The following KCNK10 variants were observed in gnomAD, a reference collection of about 807,000 sequenced individuals.
KCNK10 encodes potassium channel subfamily K member 10.
In KCNK10, 25 loss-of-function variants were observed where a neutral mutation model predicts 47.7. The ratio of observed to expected loss-of-function variants is 0.52; its 90% CI spans 0.38 to 0.73. KCNK10 has a LOEUF of 0.73. Ranked by LOEUF, KCNK10 falls within the 30% of genes least tolerant of loss-of-function variation. The probability of loss-of-function intolerance (pLI) is 0.00; values close to 1 mark genes in which losing one functional copy is unlikely to be tolerated. For synonymous variants in KCNK10, 303 were observed against 285.6 expected (o/e 1.06, Z -0.61); for missense variants, 563 against 714.5 (o/e 0.79, Z 2.42).
intron 4 of KCNK10, among the ~76,000 whole-genome samples, chr14:88,197,859 G>GGAGAGAGAGAGAGAGAGAGAGA (rs71126969): frequency 3.2e-5 from 4 of 125,348 alleles, no homozygotes; most frequent in African/African-American, 1.3e-4. Context: ...AGGAGGGAAG[G>GGAGAGAGAGAGAGAGAGAGAGA]GAGAGAGAGA....
chr14:88,192,657 A>C (rs1028012280), intron 4 of KCNK10, among the ~76,000 whole-genome samples: 3 of 152,220 alleles, frequency 2.0e-5, no homozygotes, highest in Non-Finnish European at 4.4e-5. Flanking sequence ...AACAAACAAA[A>C]AAATCCTGCT....
rs1595067648 is a variant in KCNK10, at chr14:88,185,657, A to G, written c.1510T>C (p.Ser504Pro). 1 of 1,614,054 alleles carries G rather than the reference A, an allele frequency of 6.2e-7. No individual in the cohort carries two copies. Among genetic ancestry groups the G allele is most frequent in the Non-Finnish European group, 8.5e-7 (1 of 1,180,028 alleles). ...ETEKMCNSDN[S>P]STAMLTDCIQ... Reference sequence around the variant, plus strand: ...CAGTCCGTCAGCATGGCTGTGCTGGAGTTGTCTGAGTTACACATCTTTTCC... The same window carrying G: ...CAGTCCGTCAGCATGGCTGTGCTGGGGTTGTCTGAGTTACACATCTTTTCC... Residue 504 changes from serine (S) to proline (P), a missense_variant, in exon 7 of 7, where the codon TCC becomes CCC. By Grantham distance (74) the Ser-to-Pro change is moderately conservative. Coordinates refer to ENST00000319231, the MANE Select transcript of KCNK10 (RefSeq NM_138317.3). This position sits in a 1 kb window ranked among gnomAD's most constrained non-coding sequence, Gnocchi z 4.3.
At chr14:88,292,498 C>T (rs1360063990) in intron 1 of KCNK10, among the ~76,000 whole-genome samples, 3 of 152,120 alleles carry the variant, frequency 2.0e-5, no homozygotes, top group Non-Finnish European at 2.9e-5. Context: ...TATAGGCACC[C>T]GCCACAATGC....
chr14:88,248,376 A>T (rs1886700330), intron 2 of KCNK10, among the ~76,000 whole-genome samples: 2 of 152,184 alleles, frequency 1.3e-5, no homozygotes, highest in Admixed American at 6.5e-5. Flanking sequence ...CTTTTATTGT[A>T]GCTATTTACC....
Position 88,206,373 on chromosome 14 carries a change from C to T in KCNK10, c.682-13963G>A, listed in dbSNP as rs187890228. On this transcript the variant is annotated intron_variant, in intron 4 of 6. Coordinates refer to ENST00000319231, the MANE Select transcript of KCNK10 (RefSeq NM_138317.3). Reference sequence around the variant, plus strand: ...TGCCACAAATCACAGAACCATCCCACATTTAGCATGAGCTTTGAATGTCCC... The same window carrying T: ...TGCCACAAATCACAGAACCATCCCATATTTAGCATGAGCTTTGAATGTCCC... Among the ~76,000 whole-genome samples, 19 of 152,348 alleles carry T rather than the reference C, an allele frequency of 1.2e-4. No individual in the cohort carries two copies. In the East Asian group the frequency reaches 3.7e-3, roughly 29 times the overall value.
At position 88,274,566 on chromosome 14, in the gene KCNK10, A is replaced by AAAAAAAAAAAAAAAAT. The variant is rs55899872; in HGVS notation, c.53-11016_53-11015insATTTTTTTTTTTTTTT. ...ACTCTATCTAAAAAAAAAAAAAAAA[A>AAAAAAAAAAAAAAAAT]GATCTTATGGCTTAAGTCCGTAACA... On this transcript the variant is annotated intron_variant, in intron 1 of 6. Coordinates refer to ENST00000319231, the MANE Select transcript of KCNK10 (RefSeq NM_138317.3). Among the ~76,000 whole-genome samples, 356 of 139,618 alleles carry AAAAAAAAAAAAAAAAT rather than the reference A, an allele frequency of 2.5e-3. 26 individuals carry two copies. The highest frequency in any genetic ancestry group is 8.3e-3 in the African/African-American group (266 of 32,148). 91.6% of individuals were successfully genotyped at this position (139,618 alleles called of 152,430 possible).
At chr14:88,257,400 T>C (rs1886987571) in intron 2 of KCNK10, among the ~76,000 whole-genome samples, 1 of 152,224 alleles carries the variant, frequency 6.6e-6, no homozygotes, top group African/African-American at 2.4e-5. Flanking sequence ...GCCATTCTGA[T>C]CACTTTCAAT....
chr14:88,243,240 C>T (rs1267709576), intron 2 of KCNK10, among the ~76,000 whole-genome samples: 3 of 152,234 alleles, frequency 2.0e-5, no homozygotes, highest in African/African-American at 7.2e-5. Context: ...CTAGAAGCGT[C>T]ATTCTGTTTT....
At chr14:88,258,110 A>G (rs1461811051) in intron 2 of KCNK10, among the ~76,000 whole-genome samples, 1 of 152,042 alleles carries the variant, frequency 6.6e-6, no homozygotes, top group Non-Finnish European at 1.5e-5. Flanking sequence ...CTCCCTGAAT[A>G]ATATAAAGAA....
chr14:88,205,542 C>CTTTTTTTTTTTTTTTTTTTT (rs200265659), intron 4 of KCNK10, among the ~76,000 whole-genome samples: 1 of 115,780 alleles, frequency 8.6e-6, no homozygotes, highest in Non-Finnish European at 1.7e-5. Context: ...CTTTTCTTTT[C>CTTTTTTTTTTTTTTTTTTTT]TTTTTTTTTT....
intron 1 of KCNK10, among the ~76,000 whole-genome samples, chr14:88,309,987 C>A (rs1888278189): frequency 6.6e-6 from 1 of 151,942 alleles, no homozygotes; most frequent in African/African-American, 2.4e-5. Context: ...ACCAGCCTAT[C>A]AATACATATC....
chr14:88,272,332 G>A (rs1595117210), intron 1 of KCNK10, among the ~76,000 whole-genome samples: 1 of 152,192 alleles, frequency 6.6e-6, no homozygotes, highest in African/African-American at 2.4e-5. Context: ...GTTTGACAGA[G>A]GTGTGGGGGA....
At chr14:88,236,128 C>T (rs1886294217) in intron 3 of KCNK10, among the ~76,000 whole-genome samples, 1 of 152,090 alleles carries the variant, frequency 6.6e-6, no homozygotes, top group South Asian at 2.1e-4. Flanking sequence ...CCAGTCTGGG[C>T]AACACAGCAA....
At chr14:88,201,845 G>A (rs1287424069) in intron 4 of KCNK10, among the ~76,000 whole-genome samples, 1 of 152,126 alleles carries the variant, frequency 6.6e-6, no homozygotes, top group Non-Finnish European at 1.5e-5. Context: ...GAAGAGACTG[G>A]GCTGTTTAGC....
At chr14:88,323,810 C>T, upstream of KCNK10, 1 of 152,312 alleles carries the variant, frequency 6.6e-6, no homozygotes, top group Non-Finnish European at 1.5e-5. Context: ...CTTCTCACCG[C>T]TCTCACCCTG....
At chr14:88,296,913 C>T (rs1001030365) in intron 1 of KCNK10, among the ~76,000 whole-genome samples, 2 of 152,296 alleles carry the variant, frequency 1.3e-5, no homozygotes, top group East Asian at 3.9e-4. Flanking sequence ...AATTACAAAA[C>T]ACATCATTAT....
At chr14:88,314,027 T>A (rs1888378993) in intron 1 of KCNK10, among the ~76,000 whole-genome samples, 1 of 152,244 alleles carries the variant, frequency 6.6e-6, no homozygotes, top group Non-Finnish European at 1.5e-5. Context: ...TTTGATCATC[T>A]CAGCAACTGT....
At chr14:88,274,645 C>T (rs1435037157) in intron 1 of KCNK10, among the ~76,000 whole-genome samples, 1 of 151,530 alleles carries the variant, frequency 6.6e-6, no homozygotes, top group Non-Finnish European at 1.5e-5. Flanking sequence ...GTGTCCCACC[C>T]AATAATGGTG....
At chr14:88,237,345 T>A (rs967699106) in intron 3 of KCNK10, among the ~76,000 whole-genome samples, 16 of 152,192 alleles carry the variant, frequency 1.1e-4, no homozygotes, top group African/African-American at 3.9e-4. Flanking sequence ...CTCAAAGTCA[T>A]CCATGAGCCT....
Sources: allele counts gnomAD v4.1 joint callset (sites outside exome capture counted in the v4.1 genomes callset), GRCh38; gene constraint gnomAD v4.1.1; non-coding constraint Gnocchi (gnomAD v3.1); transcripts MANE v1.5; gene names NCBI Gene and HGNC (gene_info 2026-07-23, HGNC 2026-07-21).